The following HDGFL3 variants were observed in gnomAD, a reference collection of about 807,000 sequenced individuals.
HDGFL3 encodes HDGF like 3.
Under a neutral mutation model 27.6 loss-of-function variants are expected in HDGFL3, and 6 were observed. The observed-to-expected ratio is 0.22, with a 90% CI of 0.12 to 0.43. HDGFL3 has a LOEUF of 0.43. HDGFL3 is among the 20% of genes least tolerant of loss of function. HDGFL3 has a pLI of 1.00. For synonymous variants in HDGFL3, 88 were observed against 88.9 expected, an observed-to-expected ratio of 0.99 and a Z score of 0.05; for missense variants, 207 against 250.1, an observed-to-expected ratio of 0.83 and a Z score of 1.16.
At chr15:83,199,286 C>T (rs1319736116) in intron 1 of HDGFL3, among the ~76,000 whole-genome samples, 1 of 152,092 alleles carries the variant, frequency 6.6e-6, no homozygotes, top group African/African-American at 2.4e-5. Flanking sequence ...GCATTTCCTC[C>T]AAGATCAAAC....
intron 5 of HDGFL3, among the ~76,000 whole-genome samples, chr15:83,145,391 C>T (rs1328844659): frequency 1.3e-5 from 2 of 152,096 alleles, no homozygotes; most frequent in Admixed American, 1.3e-4. Flanking sequence ...CAAGAAATTC[C>T]ACTCAACAAC....
intron 4 of HDGFL3, 132 bp downstream of exon 4, chr15:83,157,283 T>C (rs1337959521): frequency 2.3e-6 from 2 of 868,412 alleles, no homozygotes; most frequent in Non-Finnish European, 3.6e-6. Context: ...CTGCTGTATT[T>C]TGTCCCTAAA....
At chr15:83,158,315 T>C (rs2037058614) in intron 2 of HDGFL3, among the ~76,000 whole-genome samples, 1 of 152,250 alleles carries the variant, frequency 6.6e-6, no homozygotes, top group African/African-American at 2.4e-5. Flanking sequence ...AACTGATTTT[T>C]AGTTACATAA....
intron 2 of HDGFL3, among the ~76,000 whole-genome samples, chr15:83,163,071 G>C (rs746764078): frequency 6.6e-6 from 1 of 152,176 alleles, no homozygotes; most frequent in African/African-American, 2.4e-5. Flanking sequence ...ACATCACCAA[G>C]TTCTTGTCAC....
At chr15:83,124,862 T>A, downstream of HDGFL3, 1 of 1,234,362 alleles carries the variant, frequency 8.1e-7, no homozygotes, top group South Asian at 1.3e-5. Flanking sequence ...TGTTTTTGTT[T>A]TTCCATCAGA....
intron 4 of HDGFL3, among the ~76,000 whole-genome samples, chr15:83,157,151 T>A (rs774713124): frequency 2.0e-5 from 3 of 152,174 alleles, no homozygotes; most frequent in Non-Finnish European, 4.4e-5. Flanking sequence ...GCTACTCATA[T>A]ATCCTTAACT....
At chr15:83,121,971 G>A in intron 3 of HDGFL3, 1 of 1,611,536 alleles carries the variant, frequency 6.2e-7, no homozygotes, top group Non-Finnish European at 8.5e-7. Flanking sequence ...ATTATTATGA[G>A]TGTTGTTGTT....
downstream of HDGFL3, chr15:83,124,659 A>C: frequency 1.2e-6 from 2 of 1,610,582 alleles, no homozygotes; most frequent in South Asian, 1.1e-5. Flanking sequence ...TTTAGGTACA[A>C]ACTCTATTTT....
chr15:83,114,822 G>A (rs1433014209), exon 4 of HDGFL3: 1 of 152,214 alleles, frequency 6.6e-6, no homozygotes, highest in Non-Finnish European at 1.5e-5. Flanking sequence ...ATCACCTGCT[G>A]TTTAAAAAGT....
intron 3 of HDGFL3, among the ~76,000 whole-genome samples, chr15:83,117,995 C>T (rs998697228): frequency 1.3e-5 from 2 of 152,090 alleles, no homozygotes; most frequent in African/African-American, 4.8e-5. Context: ...TGAGAGACTG[C>T]ATAGGAGAAT....
rs869303457 is a variant in HDGFL3, at chr15:83,164,367, C to CAAAAAAAAAAAAAAAAAAA, written c.85-311_85-293dup. 6.0e-4 allele frequency among the ~76,000 whole-genome samples: 23 copies of CAAAAAAAAAAAAAAAAAAA among 38,392 alleles called. 2 individuals are homozygous for CAAAAAAAAAAAAAAAAAAA. Among genetic ancestry groups the CAAAAAAAAAAAAAAAAAAA allele is most frequent in the Middle Eastern group, 0.026 (1 of 38 alleles). The allele number at this position is 38,392 out of a possible 152,430, so 25.2% of individuals were successfully genotyped here. A position where few individuals can be genotyped will look rare whatever the true frequency, so the allele number is the denominator to read the frequency against. On this transcript the variant is annotated intron_variant, in intron 1 of 5. Transcript: ENST00000299633. Reference sequence around the variant, plus strand: ...TGTCCTAGTGAAAAATTAGAGTAACCAAAAAAAAAAAAAAAAAAAAAAAAA... The same window carrying CAAAAAAAAAAAAAAAAAAA: ...TGTCCTAGTGAAAAATTAGAGTAACCAAAAAAAAAAAAAAAAAAAAAAAAAAAAAAAAAAAAAAAAAAAA...
downstream of HDGFL3, chr15:83,124,682 A>C: frequency 1.9e-6 from 3 of 1,613,996 alleles, no homozygotes; most frequent in Non-Finnish European, 2.5e-6. Context: ...GTTATTCAAG[A>C]AGCCCAAGCG....
rs553141924 is a variant in HDGFL3, at chr15:83,167,765, G to C, written c.85-3690C>G. 8.5e-5 allele frequency among the ~76,000 whole-genome samples: 13 copies of C among 152,264 alleles called. No homozygotes were observed. The South Asian group carries it at 2.7e-3, about 32-fold the overall frequency. Reference sequence around the variant, plus strand: ...TCCCACTGACAGCATGACAGCATTAGATAGATCATCAAGGTAGAAAACTAA... The same window carrying C: ...TCCCACTGACAGCATGACAGCATTACATAGATCATCAAGGTAGAAAACTAA... On this transcript the variant is annotated intron_variant, in intron 1 of 5. Coordinates refer to ENST00000299633, the MANE Select transcript of HDGFL3 (RefSeq NM_016073.4).
At chr15:83,192,055 C>T (rs1033867278) in intron 1 of HDGFL3, among the ~76,000 whole-genome samples, 1 of 151,216 alleles carries the variant, frequency 6.6e-6, no homozygotes, top group African/African-American at 2.4e-5. Flanking sequence ...AATTCTCCTG[C>T]CTCAGCCTCC....
chr15:83,179,624 C>A (rs1054018144), intron 1 of HDGFL3, among the ~76,000 whole-genome samples: 4 of 152,360 alleles, frequency 2.6e-5, no homozygotes, highest in Admixed American at 2.6e-4. Context: ...CCAATCAAAT[C>A]TCTGCTTAAA....
At chr15:83,196,678 T>C (rs1193207731) in intron 1 of HDGFL3, among the ~76,000 whole-genome samples, 3 of 151,904 alleles carry the variant, frequency 2.0e-5, no homozygotes, top group Non-Finnish European at 4.4e-5. Context: ...AAAAATATAC[T>C]TGGGGAAAGG....
intron 5 of HDGFL3, among the ~76,000 whole-genome samples, chr15:83,143,313 A>G (rs2151394292): frequency 6.6e-6 from 1 of 151,872 alleles, no homozygotes; most frequent in African/African-American, 2.4e-5. Flanking sequence ...GGCCAGGTGC[A>G]GTGACTCACG....
At chr15:83,191,200 A>G (rs1567176800) in intron 1 of HDGFL3, among the ~76,000 whole-genome samples, 1 of 152,204 alleles carries the variant, frequency 6.6e-6, no homozygotes, top group Non-Finnish European at 1.5e-5. Context: ...GATAACTGAT[A>G]GGACAAGTCT....
downstream of HDGFL3, chr15:83,127,257 T>G (rs557414098): frequency 2.4e-6 from 3 of 1,260,946 alleles, no homozygotes; most frequent in South Asian, 3.8e-5. Flanking sequence ...GAAATAGGAA[T>G]TAATATTTTC....
Sources: allele counts gnomAD v4.1 joint callset (sites outside exome capture counted in the v4.1 genomes callset), GRCh38; gene constraint gnomAD v4.1.1; transcripts MANE v1.5; gene names NCBI Gene and HGNC (gene_info 2026-07-23, HGNC 2026-07-21).